The following RGS6 variants were observed in gnomAD, a reference collection of about 807,000 sequenced individuals.
RGS6 encodes regulator of G-protein signaling 6.
Under a neutral mutation model 78.5 loss-of-function variants are expected in RGS6, and 30 were observed. The observed-to-expected ratio is 0.38, with a 90% CI of 0.29 to 0.52. The LOEUF (loss-of-function observed/expected upper bound fraction) is 0.52. Ranked by LOEUF, RGS6 falls within the 20% of genes least tolerant of loss-of-function variation. RGS6 has a pLI of 0.85. For synonymous variants in RGS6, 206 were observed against 206.0 expected (o/e 1.00, Z 0.00); for missense variants, 495 against 609.7 (o/e 0.81, Z 1.98).
intron 2 of RGS6, among the ~76,000 whole-genome samples, chr14:72,061,580 T>C (rs1434186410): frequency 6.6e-6 from 1 of 152,184 alleles, no homozygotes; most frequent in East Asian, 1.9e-4. Flanking sequence ...AACTTTTTTT[T>C]TTTCCTTGAC....
At chr14:72,617,879 C>T in the RGS6 span, among the ~76,000 whole-genome samples, 2 of 151,886 alleles carry the variant, frequency 1.3e-5, no homozygotes, top group East Asian at 3.9e-4. Context: ...GCCAAGCATG[C>T]GCGAGGGTTC....
chr14:72,177,983 C>G (rs982789278), intron 2 of RGS6, among the ~76,000 whole-genome samples: 2 of 152,210 alleles, frequency 1.3e-5, no homozygotes, highest in African/African-American at 2.4e-5. Context: ...CTTCCTCCCC[C>G]ACTTTTTGCT....
At chr14:72,012,316 CAT>C (rs1234752546) in intron 2 of RGS6, among the ~76,000 whole-genome samples, 1 of 152,100 alleles carries the variant, frequency 6.6e-6, no homozygotes, top group Non-Finnish European at 1.5e-5. Flanking sequence ...TTTCTATACA[CAT>C]AGACATGATT....
At chr14:72,507,302 A>T (rs2096820522) in intron 13 of RGS6, among the ~76,000 whole-genome samples, 1 of 152,220 alleles carries the variant, frequency 6.6e-6, no homozygotes, top group Non-Finnish European at 1.5e-5. Context: ...GAAGTTAAGG[A>T]AAAGTCATGG....
intron 2 of RGS6, among the ~76,000 whole-genome samples, chr14:72,303,852 T>G (rs1595558768): frequency 6.6e-6 from 1 of 152,134 alleles, no homozygotes; most frequent in African/African-American, 2.4e-5. Context: ...TTTCACCTAT[T>G]AAGATATCAT....
At chr14:72,208,149 G>A (rs1018481105) in intron 2 of RGS6, among the ~76,000 whole-genome samples, 3 of 152,208 alleles carry the variant, frequency 2.0e-5, no homozygotes, top group Admixed American at 1.3e-4. Context: ...CCCGATTTGA[G>A]CCAGTGAGAG....
intron 2 of RGS6, among the ~76,000 whole-genome samples, chr14:72,009,002 T>C (rs2085140377): frequency 6.6e-6 from 1 of 152,192 alleles, no homozygotes; most frequent in Admixed American, 6.5e-5. Flanking sequence ...TTGCTTTCCA[T>C]ATGGGAGTCT....
intron 2 of RGS6, among the ~76,000 whole-genome samples, chr14:72,287,363 G>A (rs958756721): frequency 6.6e-6 from 1 of 152,118 alleles, no homozygotes; most frequent in Non-Finnish European, 1.5e-5. Flanking sequence ...TGGTGACAGT[G>A]GGCATCATTA....
intron 2 of RGS6, among the ~76,000 whole-genome samples, chr14:72,240,065 G>A (rs1205927062): frequency 3.3e-5 from 5 of 152,102 alleles, no homozygotes; most frequent in South Asian, 2.1e-4. Context: ...TATGGATGGC[G>A]GAGTGTTTCA....
intron 17 of RGS6, chr14:72,547,436 T>G: frequency 5.6e-6 from 5 of 897,228 alleles, no homozygotes; most frequent in Non-Finnish European, 6.7e-6. Flanking sequence ...CAGGGGATGC[T>G]TCCCCCTTTT....
intron 2 of RGS6, among the ~76,000 whole-genome samples, chr14:72,306,570 T>C (rs1050231029): frequency 2.6e-5 from 4 of 152,206 alleles, no homozygotes; most frequent in African/African-American, 9.6e-5. Flanking sequence ...AATTTCAACA[T>C]TAACTGTAGT....
chr14:72,517,844 C>T (rs1441646843), intron 14 of RGS6, among the ~76,000 whole-genome samples: 18 of 152,352 alleles, frequency 1.2e-4, no homozygotes, highest in Non-Finnish European at 1.5e-5. Context: ...GGGTCTCACA[C>T]TGTCTGCATG....
chr14:72,000,112 G>A (rs1257302813), intron 2 of RGS6, among the ~76,000 whole-genome samples: 1 of 152,210 alleles, frequency 6.6e-6, no homozygotes, highest in Non-Finnish European at 1.5e-5. Context: ...TAGTCTTCGA[G>A]CAGGGTTGTG....
chr14:72,177,810 G>A lies in RGS6; in HGVS notation c.85-174285G>A, dbSNP rs541827673. ...CCAATTCTAGTAATAGGAGAAAATCGCATGGAATTTACTGAGAAAAGCCCA... is the reference window on the plus strand; with the variant it reads ...CCAATTCTAGTAATAGGAGAAAATCACATGGAATTTACTGAGAAAAGCCCA... On this transcript the variant is annotated intron_variant, in intron 2 of 17. Transcript: ENST00000553525. Among the ~76,000 whole-genome samples the A allele has an allele frequency of 7.2e-5, 11 of 152,258 alleles. No homozygotes were observed. In the South Asian group the frequency reaches 8.3e-4, roughly 11 times the overall value.
chr14:72,598,495 C>T, the RGS6 span, among the ~76,000 whole-genome samples: 39 of 152,370 alleles, frequency 2.6e-4, no homozygotes, highest in South Asian at 8.1e-3. Context: ...TGCATATATG[C>T]AAACAAGGCC....
chr14:72,587,443 G>A, the RGS6 span, among the ~76,000 whole-genome samples: 5 of 152,252 alleles, frequency 3.3e-5, no homozygotes, highest in African/African-American at 7.2e-5. Context: ...CCAGGGGGTC[G>A]CAGCAGTGTG....
At chr14:72,398,540 T>C (rs2091859811) in intron 3 of RGS6, among the ~76,000 whole-genome samples, 1 of 152,206 alleles carries the variant, frequency 6.6e-6, no homozygotes, top group Non-Finnish European at 1.5e-5. Flanking sequence ...GTTTTTTGTG[T>C]CTCTATTTCC....
chr14:72,123,677 C>G (rs577768105), intron 2 of RGS6, among the ~76,000 whole-genome samples: 1 of 152,248 alleles, frequency 6.6e-6, no homozygotes, highest in South Asian at 2.1e-4. Context: ...AAGAGAGTTC[C>G]TTAAAATAAC....
At chr14:71,938,897 G>A (rs1344307793) in intron 1 of RGS6, among the ~76,000 whole-genome samples, 1 of 152,142 alleles carries the variant, frequency 6.6e-6, no homozygotes, top group Admixed American at 6.5e-5. Flanking sequence ...GGGCCTTGCT[G>A]CAAAGTCCTA....
Sources: allele counts gnomAD v4.1 joint callset (sites outside exome capture counted in the v4.1 genomes callset), GRCh38; gene constraint gnomAD v4.1.1; transcripts MANE v1.5; gene names NCBI Gene and HGNC (gene_info 2026-07-23, HGNC 2026-07-21).